LLGL1: variants seen among roughly 807,000 people sequenced by gnomAD.
The protein encoded by LLGL1 is lethal(2) giant larvae protein homolog 1.
Under a neutral mutation model 110.6 loss-of-function variants are expected in LLGL1, and 58 were observed. The ratio of observed to expected loss-of-function variants is 0.52; its 90% CI spans 0.42 to 0.65. The LOEUF is 0.65. Among genes scored for constraint, LLGL1 ranks in the 30% least tolerant of loss-of-function variants. The pLI is 0.00. For missense variants in LLGL1, 1,229 were observed against 1,462.1 expected (o/e 0.84, Z 2.60); for synonymous variants, 674 against 607.2 (o/e 1.11, Z -1.62).
intron 7 of LLGL1, 110 bp from the exon 8 acceptor site, chr17:18,234,539 G>C: frequency 6.4e-7 from 1 of 1,574,472 alleles, no homozygotes; most frequent in Non-Finnish European, 8.7e-7. Flanking sequence ...CCGACTTCCC[G>C]GGGAGGCAGG....
At position 18,238,468 on chromosome 17, in the gene LLGL1, A is replaced by G. The variant is rs1567693533; in HGVS notation, c.2065A>G (p.Asn689Asp). Residue 689 changes from asparagine to aspartate, a missense_variant, in exon 16 of 23, where the codon AAT (asparagine) becomes GAT (aspartate). Physicochemically the swap from Asn to Asp is conservative, Grantham distance 23. Transcript: ENST00000316843. ...ANASSKLQEA[N>D]AQLAEQACPH... ...CCCCGCCCGGCAGTTGCAGGAAGCC[A>G]ATGCACAGCTGGCTGAGCAGGCCTG... 1 of 1,610,514 alleles carries G rather than the reference A, an allele frequency of 6.2e-7. No homozygotes were observed. The highest frequency in any genetic ancestry group is 8.5e-7 in the Non-Finnish European group (1 of 1,178,648).
At position 18,234,983 on chromosome 17, in the gene LLGL1, G is replaced by T; in HGVS notation, c.1050G>T (p.Arg350=). The stretch of plus-strand genomic sequence containing the variant: ...ACTTCTTCACAGTGCACAGCACACG[G>T]CCCGAGGATGGTGCGTGCCCTGCCG... ...IIDFFTVHST[R]PEDEFDDPQA... Residue 350 remains arginine (R), a synonymous_variant, in exon 9 of 23, where the codon CGG becomes CGT. Transcript: ENST00000316843. The T allele has an allele frequency of 6.2e-7, 1 of 1,613,846 alleles. No individual in the cohort carries two copies. The highest frequency in any genetic ancestry group is 8.5e-7 in the Non-Finnish European group (1 of 1,179,988).
chr17:18,227,203 G>A (rs904598772), intron 1 of LLGL1, among the ~76,000 whole-genome samples: 3 of 152,126 alleles, frequency 2.0e-5, no homozygotes, highest in South Asian at 2.1e-4. Flanking sequence ...AGTGATTGCC[G>A]ATGAGAGCTG....
chr17:18,233,711 C>T, intron 4 of LLGL1, 67 bp from the exon 5 acceptor site: 1 of 1,526,174 alleles, frequency 6.6e-7, no homozygotes. Flanking sequence ...GTGGCCCAGC[C>T]CCTCACACCC....
rs1334135770 is a variant in LLGL1, at chr17:18,234,931, C to T, written c.998C>T (p.Thr333Met). The T allele has an allele frequency of 1.2e-6, 2 of 1,614,102 alleles. No homozygotes were observed. The highest frequency in any genetic ancestry group is 8.5e-7 in the Non-Finnish European group (1 of 1,179,996). The change falls in exon 9 of 23, where the codon ACG becomes ATG. Residue 333 changes from threonine to methionine, a missense_variant. Coordinates refer to ENST00000316843, the MANE Select transcript of LLGL1 (RefSeq NM_004140.4). Reference protein sequence around the residue: ...VSVLRAETLVTLDFTSRIIDF... With the variant: ...VSVLRAETLVMLDFTSRIIDF... ...GTGCTTCGAGCCGAGACATTGGTGA[C>T]GCTGGACTTCACTTCCCGCATCATC...
chr17:18,234,741 C>A, intron 8 of LLGL1, 38 bp downstream of exon 8: 1 of 1,613,888 alleles, frequency 6.2e-7, no homozygotes, highest in South Asian at 1.1e-5. Context: ...TGAGTTGGGT[C>A]TGGCTAGGGG....
intron 20 of LLGL1, 26 bp downstream of exon 20, chr17:18,242,304 G>A: frequency 6.2e-7 from 1 of 1,600,032 alleles, no homozygotes; most frequent in Non-Finnish European, 8.6e-7. Context: ...AAGGGGTCCA[G>A]ACCCTGGCCC....
At chr17:18,243,113 T>C (rs980876916) in intron 22 of LLGL1, among the ~76,000 whole-genome samples, 1 of 152,010 alleles carries the variant, frequency 6.6e-6, no homozygotes, top group East Asian at 1.9e-4. Flanking sequence ...TTGTTTTGTT[T>C]TGTTTTGTTT....
chr17:18,242,870 C>T lies in LLGL1; in HGVS notation c.*1+48C>T, dbSNP rs757782040. ...GTCCTCACCACTGGTGACGTCCACC[C>T]CCTTCAGCCCGTCTGGGTACCATTT... On this transcript the variant is annotated intron_variant, in intron 22 of 22. Coordinates refer to ENST00000316843, the MANE Select transcript of LLGL1 (RefSeq NM_004140.4). 9 of 1,482,544 alleles carry T rather than the reference C, an allele frequency of 6.1e-6. No individual in the cohort carries two copies. The South Asian group carries it at 1.2e-4, about 20-fold the overall frequency. The allele number at this position is 1,482,544 out of a possible 1,614,324, so 91.8% of individuals were successfully genotyped here.
At chr17:18,226,348 C>T (rs1034541129) in intron 1 of LLGL1, among the ~76,000 whole-genome samples, 1 of 152,162 alleles carries the variant, frequency 6.6e-6, no homozygotes, top group Non-Finnish European at 1.5e-5. Context: ...CGTCCCTGCT[C>T]GGCCCTTGGG....
At chr17:18,239,288 C>T (rs2047769516) in intron 16 of LLGL1, among the ~76,000 whole-genome samples, 1 of 152,072 alleles carries the variant, frequency 6.6e-6, no homozygotes. Context: ...CTGCTGCTGG[C>T]CAGAGGCTGA....
At chr17:18,227,452 A>G (rs572063709) in intron 1 of LLGL1, among the ~76,000 whole-genome samples, 33 of 152,110 alleles carry the variant, frequency 2.2e-4, no homozygotes, top group Middle Eastern at 3.4e-3. Flanking sequence ...CAGTGGCACA[A>G]TCACAGTCCA....
chr17:18,242,042 G>A (rs1302973495), intron 19 of LLGL1, 43 bp downstream of exon 19: 3 of 1,574,982 alleles, frequency 1.9e-6, no homozygotes, highest in Non-Finnish European at 2.6e-6. Flanking sequence ...CCTGTGCCCA[G>A]GGCCAGGTCT....
rs759247101 is a variant in LLGL1 at position 18,241,722 on chromosome 17, C to T, written c.2767+7C>T. On this transcript the variant is annotated splice_region_variant and intron_variant, in intron 18 of 22. Coordinates refer to ENST00000316843, the MANE Select transcript of LLGL1 (RefSeq NM_004140.4). The stretch of plus-strand genomic sequence containing the variant: ...TTTACGCGCCATGGCCAGGGTGAGG[C>T]GGGGCAGAGGCCGAGGAGGCCTTCC... 1.7e-5 allele frequency: 27 copies of T among 1,611,342 alleles called. No individual in the cohort carries two copies. Among genetic ancestry groups the T allele is most frequent in the Non-Finnish European group, 2.2e-5 (26 of 1,178,724 alleles).
chr17:18,232,701 C>T lies in LLGL1; in HGVS notation c.291C>T (p.Ser97=), dbSNP rs776372009. ...QGRLLSLLDD[S]SLHLWEIVHH... ...GCCTCCTGTCCCTGCTTGATGACAG[C>T]AGTCTGCATCTCTGGGAGATTGTCC... Residue 97 remains serine (S), a synonymous_variant, in exon 4 of 23, where the codon AGC becomes AGT. Transcript: ENST00000316843. The T allele has an allele frequency of 6.2e-7, 1 of 1,614,192 alleles. No homozygotes were observed. Among genetic ancestry groups the T allele is most frequent in the Admixed American group, 1.7e-5 (1 of 60,032 alleles).
chr17:18,235,042 T>C (rs2047661005), intron 9 of LLGL1, 47 bp from the exon 10 acceptor site: 2 of 1,613,622 alleles, frequency 1.2e-6, no homozygotes, highest in African/African-American at 2.7e-5. Context: ...CCTGGTGCCC[T>C]CTGCCACCTA....
chr17:18,236,555 C>T lies in LLGL1; in HGVS notation c.1353-52C>T, dbSNP rs1597870894. 13 of 1,547,760 alleles carry T rather than the reference C, an allele frequency of 8.4e-6. No homozygotes were observed. The East Asian group carries it at 9.1e-5, about 11-fold the overall frequency. On this transcript the variant is annotated intron_variant, in intron 11 of 22. Coordinates refer to ENST00000316843, the MANE Select transcript of LLGL1 (RefSeq NM_004140.4). The stretch of plus-strand genomic sequence containing the variant: ...GTTATCAGATGAGTGAATGGAGGGG[C>T]GTGCAGGCCTCCCAGGAACTCGGGT...
chr17:18,235,462 C>G lies in LLGL1; in HGVS notation c.1285-8C>G, dbSNP rs373205687. 37 of 1,613,990 alleles carry G rather than the reference C, an allele frequency of 2.3e-5. No individual in the cohort carries two copies. Among genetic ancestry groups the G allele is most frequent in the African/African-American group, 9.3e-5 (7 of 74,934 alleles). ...CCTTGTGCATACATCTCTGCCACCCCCTCCCAGAGCTGGCCCATCACTGGG... is the reference window on the plus strand; with the variant it reads ...CCTTGTGCATACATCTCTGCCACCCGCTCCCAGAGCTGGCCCATCACTGGG... On this transcript the variant is annotated splice_polypyrimidine_tract_variant and splice_region_variant and intron_variant, in intron 10 of 22. Coordinates refer to ENST00000316843, the MANE Select transcript of LLGL1 (RefSeq NM_004140.4).
intron 17 of LLGL1, 70 bp from the exon 18 acceptor site, chr17:18,241,381 C>A: frequency 6.5e-7 from 1 of 1,532,004 alleles, no homozygotes. Context: ...GGGTCAGCAG[C>A]CACGAGGGTG....
Sources: gnomAD v4.1 joint callset for allele counts (sites outside exome capture counted in the v4.1 genomes callset) on GRCh38, gnomAD v4.1.1 for gene constraint, MANE v1.5 for transcripts, NCBI Gene and HGNC (gene_info 2026-07-23, HGNC 2026-07-21) for gene names.